The following DPYD variants were observed in gnomAD, a reference collection of about 807,000 sequenced individuals.
DPYD encodes dihydropyrimidine dehydrogenase [NADP(+)].
DPYD carries 109 observed loss-of-function variants against 116.2 expected under a neutral mutation model. That is an observed-to-expected ratio of 0.94 (90% CI 0.80 to 1.10). The LOEUF (loss-of-function observed/expected upper bound fraction) is 1.10, where lower values mean the gene tolerates loss of function less well. DPYD is among the 50% of genes least tolerant of loss of function. The pLI is 0.00. For synonymous variants in DPYD, 440 were observed against 432.0 expected (o/e 1.02, Z -0.23); for missense variants, 1,302 against 1,254.5 (o/e 1.04, Z -0.57).
chr1:97,267,814 T>A (rs1262257056), intron 18 of DPYD, among the ~76,000 whole-genome samples: 1 of 152,142 alleles, frequency 6.6e-6, no homozygotes, highest in Non-Finnish European at 1.5e-5. Context: ...TCCCTCAAAA[T>A]CATGTCCTTC....
intron 2 of DPYD, among the ~76,000 whole-genome samples, chr1:97,853,161 A>C (rs1052015524): frequency 6.6e-5 from 10 of 152,196 alleles, no homozygotes; most frequent in Non-Finnish European, 1.5e-4. Context: ...ACTGTCCTCT[A>C]TGTATAAATG....
intron 20 of DPYD, among the ~76,000 whole-genome samples, chr1:97,148,809 C>T (rs749876685): frequency 7.2e-5 from 11 of 152,128 alleles, no homozygotes; most frequent in South Asian, 2.1e-4. Flanking sequence ...TCTAAAGAAA[C>T]GAAAAATCTT....
At chr1:97,314,432 C>T (rs1667692612) in intron 16 of DPYD, among the ~76,000 whole-genome samples, 1 of 150,538 alleles carries the variant, frequency 6.6e-6, no homozygotes, top group South Asian at 2.1e-4. Flanking sequence ...CCTAGTGTAC[C>T]ATTCCTCTGA....
At chr1:97,316,900 T>C (rs1667887656) in intron 16 of DPYD, among the ~76,000 whole-genome samples, 1 of 151,868 alleles carries the variant, frequency 6.6e-6, no homozygotes, top group Non-Finnish European at 1.5e-5. Context: ...CTATGGTGTA[T>C]ATTCCCAGGT....
intron 16 of DPYD, among the ~76,000 whole-genome samples, chr1:97,372,439 C>CT (rs1427678989): frequency 6.6e-6 from 1 of 152,000 alleles, no homozygotes; most frequent in African/African-American, 2.4e-5. Context: ...CTAGATAGTT[C>CT]TGAGTCTTGG....
intron 16 of DPYD, among the ~76,000 whole-genome samples, chr1:97,357,328 T>G (rs557733138): frequency 6.6e-6 from 1 of 152,216 alleles, no homozygotes; most frequent in East Asian, 1.9e-4. Flanking sequence ...TGATTTTGTA[T>G]GCTGCAACTG....
At chr1:97,817,982 CTTTTCTTTGGTA>C (rs944070251) in intron 3 of DPYD, among the ~76,000 whole-genome samples, 1 of 151,930 alleles carries the variant, frequency 6.6e-6, no homozygotes, top group Non-Finnish European at 1.5e-5. Flanking sequence ...TAGCTCTGCA[CTTTTCTTTGGTA>C]GCAAAACAAA....
At chr1:97,602,786 CA>C (rs921261648) in intron 8 of DPYD, among the ~76,000 whole-genome samples, 3 of 150,478 alleles carry the variant, frequency 2.0e-5, no homozygotes, top group East Asian at 3.9e-4. Flanking sequence ...ACCCTTTGGA[CA>C]AAAAAAAGAA....
At chr1:97,729,423 C>G (rs1643919747) in intron 4 of DPYD, among the ~76,000 whole-genome samples, 1 of 152,048 alleles carries the variant, frequency 6.6e-6, no homozygotes, top group South Asian at 2.1e-4. Flanking sequence ...CCATTATGTA[C>G]TATACAATAG....
intron 18 of DPYD, among the ~76,000 whole-genome samples, chr1:97,293,107 T>C (rs1026313418): frequency 6.6e-5 from 10 of 152,306 alleles, no homozygotes; most frequent in African/African-American, 2.4e-4. Flanking sequence ...CAGAGGTTAA[T>C]AGGAATATGG....
At chr1:97,903,940 T>C (rs1237295270) in intron 1 of DPYD, among the ~76,000 whole-genome samples, 2 of 151,824 alleles carry the variant, frequency 1.3e-5, no homozygotes, top group African/African-American at 2.4e-5. Flanking sequence ...TAGGAGAAGA[T>C]GGAGAGGGGT....
At chr1:97,467,158 T>C (rs1677375922) in intron 13 of DPYD, among the ~76,000 whole-genome samples, 1 of 152,218 alleles carries the variant, frequency 6.6e-6, no homozygotes. Context: ...TAAGTTGTTT[T>C]TCGGAAATCT....
chr1:97,635,903 T>C (rs1657530351), intron 8 of DPYD, among the ~76,000 whole-genome samples: 1 of 152,110 alleles, frequency 6.6e-6, no homozygotes, highest in African/African-American at 2.4e-5. Context: ...CACTGCAGCC[T>C]TGAGTTCCTA....
intron 19 of DPYD, among the ~76,000 whole-genome samples, chr1:97,218,965 A>T (rs906960167): frequency 6.6e-6 from 1 of 152,204 alleles, no homozygotes; most frequent in Non-Finnish European, 1.5e-5. Flanking sequence ...GTGCCTAAAA[A>T]ATTAAAGGTA....
chr1:97,523,253 T>C (rs1648818695), intron 12 of DPYD, among the ~76,000 whole-genome samples: 1 of 152,198 alleles, frequency 6.6e-6, no homozygotes, highest in South Asian at 2.1e-4. Context: ...GAGCAACCTT[T>C]CCTTTTTAGA....
At chr1:97,131,161 G>T (rs1320331531) in intron 20 of DPYD, among the ~76,000 whole-genome samples, 1 of 151,448 alleles carries the variant, frequency 6.6e-6, no homozygotes, top group African/African-American at 2.4e-5. Flanking sequence ...AAAAAAAAAA[G>T]GAACGCTACA....
At chr1:97,828,694 T>C (rs61787778) in intron 2 of DPYD, among the ~76,000 whole-genome samples, 15,353 of 62,748 alleles carry the variant, frequency 0.24, 1,038 homozygotes, top group East Asian at 0.47. Context: ...TCAAAATTTT[T>C]GAATCAAAAT....
intron 13 of DPYD, among the ~76,000 whole-genome samples, chr1:97,489,017 T>C (rs985455466): frequency 3.3e-5 from 5 of 152,262 alleles, no homozygotes; most frequent in African/African-American, 1.2e-4. Context: ...CTTGAATTCA[T>C]TCCTAGGCAA....
chr1:97,310,247 T>C (rs1326800256), intron 16 of DPYD, among the ~76,000 whole-genome samples: 3 of 151,790 alleles, frequency 2.0e-5, no homozygotes, highest in African/African-American at 7.2e-5. Context: ...AAGAGGTGGC[T>C]AGAATTTTCA....
Sources: allele counts gnomAD v4.1 joint callset (sites outside exome capture counted in the v4.1 genomes callset), GRCh38; gene constraint gnomAD v4.1.1; transcripts MANE v1.5; gene names NCBI Gene and HGNC (gene_info 2026-07-23, HGNC 2026-07-21).